The following ODF2 variants were observed in gnomAD, a reference collection of about 807,000 sequenced individuals.
ODF2 encodes outer dense fiber of sperm tails 2.
ODF2 carries 47 observed loss-of-function variants against 110.2 expected under a neutral mutation model. The observed-to-expected ratio is 0.43, with a 90% CI of 0.34 to 0.54. The LOEUF (loss-of-function observed/expected upper bound fraction) is 0.54. Ranked by LOEUF, ODF2 falls within the 20% of genes least tolerant of loss-of-function variation. The pLI is 0.03. For missense variants in ODF2, 812 were observed against 1,054.5 expected (o/e 0.77, Z 3.19); for synonymous variants, 352 against 397.7 (o/e 0.89, Z 1.37).
chr9:128,460,496 A>G (rs1836154803), intron 3 of ODF2, 54 bp from the exon 3 acceptor site: 1 of 1,597,950 alleles, frequency 6.3e-7, no homozygotes. Context: ...TTTTATGCCC[A>G]GTTTACTCAT....
intron 2 of ODF2, among the ~76,000 whole-genome samples, chr9:128,458,682 A>G (rs1347202689): frequency 6.6e-6 from 1 of 151,892 alleles, no homozygotes; most frequent in Non-Finnish European, 1.5e-5. Context: ...ATTAAAAAAA[A>G]ATCCCCTGCT....
At position 128,464,301 on chromosome 9, in the gene ODF2, G is replaced by A. The variant is rs184786146; in HGVS notation, c.249+3234G>A. 2.7e-5 allele frequency among the ~76,000 whole-genome samples: 4 copies of A among 147,070 alleles called. No homozygotes were observed. In the East Asian group the frequency reaches 6.2e-4, roughly 23 times the overall value. Reference sequence around the variant, plus strand: ...CTCCCGAGTAACTGGGACTACAGGCGTGCACCACCACGCCTGGCTAATTTT... The same window carrying A: ...CTCCCGAGTAACTGGGACTACAGGCATGCACCACCACGCCTGGCTAATTTT... On this transcript the variant is annotated intron_variant, in intron 4 of 20. Transcript: ENST00000604420.
chr9:128,500,618 G>A (rs1846349462), downstream of ODF2: 1 of 145,472 alleles, frequency 6.9e-6, no homozygotes, highest in East Asian at 1.7e-4. Flanking sequence ...CATTGTTTTA[G>A]GAATCTCTCT....
chr9:128,499,796 G>A (rs1017736377), intron 20 of ODF2, among the ~76,000 whole-genome samples: 11 of 152,096 alleles, frequency 7.2e-5, no homozygotes, highest in Admixed American at 7.2e-4. Flanking sequence ...TTTTTGTAGA[G>A]ATAGAGTCTC....
At chr9:128,456,575 T>C (rs913706807) in intron 1 of ODF2, 10 of 1,525,670 alleles carry the variant, frequency 6.6e-6, no homozygotes, top group Non-Finnish European at 8.8e-6. Context: ...TCCTGCCTGC[T>C]GGTGGGTGGC....
intron 16 of ODF2, among the ~76,000 whole-genome samples, chr9:128,493,277 C>T (rs981157034): frequency 1.3e-5 from 2 of 152,006 alleles, no homozygotes; most frequent in African/African-American, 2.4e-5. Context: ...CCCAGCTACT[C>T]GGAAGGCTGA....
At chr9:128,492,313 G>A in intron 14 of ODF2, 113 bp from the exon 15 acceptor site, 1 of 734,328 alleles carries the variant, frequency 1.4e-6, no homozygotes, top group Non-Finnish European at 2.5e-6. Flanking sequence ...AAAGTGCTCT[G>A]TGGGTTAGAG....
At chr9:128,466,466 C>CAAA (rs11326501) in intron 4 of ODF2, among the ~76,000 whole-genome samples, 2 of 138,230 alleles carry the variant, frequency 1.4e-5, no homozygotes, top group African/African-American at 2.7e-5. Context: ...GACCCCATCT[C>CAAA]AAAAAAAAAA....
At chr9:128,480,142 A>C (rs983361485) in intron 8 of ODF2, among the ~76,000 whole-genome samples, 1 of 152,212 alleles carries the variant, frequency 6.6e-6, no homozygotes, top group Non-Finnish European at 1.5e-5. Flanking sequence ...AGAAATAAAA[A>C]GGTTAAAATG....
At chr9:128,457,562 T>TTTAA in intron 2 of ODF2, 1 of 1,276,304 alleles carries the variant, frequency 7.8e-7, no homozygotes, top group Non-Finnish European at 1.1e-6. Flanking sequence ...GACCAAAACG[T>TTTAA]TTAAAAATCG....
intron 1 of ODF2, chr9:128,456,575 T>G (rs913706807): frequency 7.9e-6 from 12 of 1,525,670 alleles, no homozygotes; most frequent in Non-Finnish European, 1.1e-5. Flanking sequence ...TCCTGCCTGC[T>G]GGTGGGTGGC....
At chr9:128,465,329 G>GA (rs1837560932) in intron 4 of ODF2, among the ~76,000 whole-genome samples, 1 of 152,220 alleles carries the variant, frequency 6.6e-6, no homozygotes, top group Non-Finnish European at 1.5e-5. Flanking sequence ...GGAAGATATG[G>GA]AAATGAAGAC....
chr9:128,493,656 T>G (rs1441251608), intron 16 of ODF2, among the ~76,000 whole-genome samples: 1 of 152,214 alleles, frequency 6.6e-6, no homozygotes, highest in East Asian at 1.9e-4. Context: ...TTCATAACCT[T>G]GGGCAAGTCA....
chr9:128,471,244 C>A, intron 5 of ODF2, 64 bp from the exon 6 acceptor site: 1 of 1,503,944 alleles, frequency 6.6e-7, no homozygotes, highest in Admixed American at 2.3e-5. Flanking sequence ...AGCATTGAGC[C>A]TAGCAATGTG....
intron 8 of ODF2, among the ~76,000 whole-genome samples, chr9:128,479,612 AT>A: frequency 6.6e-6 from 1 of 151,038 alleles, no homozygotes; most frequent in Non-Finnish European, 1.5e-5. Context: ...CGACCTGGCC[AT>A]TCCTCTTCTT....
intron 8 of ODF2, 118 bp downstream of exon 8, chr9:128,473,859 G>C: frequency 1.1e-6 from 1 of 902,212 alleles, no homozygotes; most frequent in East Asian, 2.7e-5. Flanking sequence ...TCCTTAGAGA[G>C]ATGTAATGAA....
upstream of ODF2, among the ~76,000 whole-genome samples, chr9:128,455,730 A>G (rs1004612815): frequency 6.6e-6 from 1 of 152,040 alleles, no homozygotes; most frequent in Non-Finnish European, 1.5e-5. Flanking sequence ...TTAATAGTGG[A>G]CTAGGGGCAG....
In ODF2 at chr9:128,485,352, C is replaced by G; in HGVS notation, c.1291-13C>G. On this transcript the variant is annotated splice_polypyrimidine_tract_variant and intron_variant, in intron 12 of 20. Coordinates refer to ENST00000604420, the Ensembl canonical transcript of ODF2. This position sits in a 1 kb window ranked among gnomAD's most constrained non-coding sequence, Gnocchi z 5.0. ...ACACTAGGCTAACAGGCCCTTTTGT[C>G]CCGTGTTCCCAGGATCTTTATGTCG... The G allele has an allele frequency of 3.4e-6, 5 of 1,490,492 alleles. No homozygotes were observed. Among genetic ancestry groups the G allele is most frequent in the Non-Finnish European group, 4.7e-6 (5 of 1,071,118 alleles). 92.3% of individuals were successfully genotyped at this position (1,490,492 alleles called of 1,614,324 possible).
intron 4 of ODF2, among the ~76,000 whole-genome samples, chr9:128,461,591 A>T (rs4837267): frequency 1 from 151,817 of 152,202 alleles, 75,720 homozygotes; most frequent in Middle Eastern, 1. Flanking sequence ...TCTGATTTTT[A>T]AATTTTTAGT....
Sources: allele counts gnomAD v4.1 joint callset (sites outside exome capture counted in the v4.1 genomes callset), GRCh38; gene constraint gnomAD v4.1.1; non-coding constraint Gnocchi (gnomAD v3.1); transcripts MANE v1.5; gene names NCBI Gene and HGNC (gene_info 2026-07-23, HGNC 2026-07-21).